PPM1H: variants seen among roughly 807,000 people sequenced by gnomAD.
PPM1H encodes the protein protein phosphatase 1H.
Under a neutral mutation model 54.9 loss-of-function variants are expected in PPM1H, and 27 were observed. The observed-to-expected ratio is 0.49, with a 90% confidence interval of 0.36 to 0.68. The LOEUF is 0.68. PPM1H is among the 30% of genes least tolerant of loss of function. The pLI is 0.00. For synonymous variants in PPM1H, 305 were observed against 270.8 expected, an observed-to-expected ratio of 1.13 and a Z score of -1.24; for missense variants, 596 against 667.8, an observed-to-expected ratio of 0.89 and a Z score of 1.19.
intron 8 of PPM1H, among the ~76,000 whole-genome samples, chr12:62,688,987 C>T (rs1187872207): frequency 6.6e-6 from 1 of 152,176 alleles, no homozygotes; most frequent in African/African-American, 2.4e-5. Context: ...CAGAGCGAGA[C>T]TTTGTCTCAA....
chr12:62,747,092 C>T (rs2076416649), intron 4 of PPM1H, among the ~76,000 whole-genome samples: 1 of 152,078 alleles, frequency 6.6e-6, no homozygotes, highest in Non-Finnish European at 1.5e-5. Context: ...GATGGGACCA[C>T]AGGCATGTGC....
In PPM1H at chr12:62,644,454, T is replaced by C. The variant is rs1221094188; in HGVS notation, c.*4035A>G. On this transcript the variant is annotated 3_prime_UTR_variant, in exon 10 of 10. Coordinates refer to ENST00000228705, the MANE Select transcript of PPM1H (RefSeq NM_020700.2). ...TCACAGTAGAAAACTACAGCACATTTACAGCCTTATTTGGTCACTGTCTAC... is the reference window on the plus strand; with the variant it reads ...TCACAGTAGAAAACTACAGCACATTCACAGCCTTATTTGGTCACTGTCTAC... 1 of 152,252 alleles carries C rather than the reference T, an allele frequency of 6.6e-6. No homozygotes were observed. Among genetic ancestry groups the C allele is most frequent in the Non-Finnish European group, 1.5e-5 (1 of 68,058 alleles). The allele number at this position is 152,252 out of a possible 1,614,324, so 9.4% of individuals were successfully genotyped here. A position where few individuals can be genotyped will look rare whatever the true frequency, so the allele number is the denominator to read the frequency against.
chr12:62,923,633 C>T (rs1211095040), intron 1 of PPM1H, among the ~76,000 whole-genome samples: 2 of 152,214 alleles, frequency 1.3e-5, no homozygotes. Flanking sequence ...AGCTCCTGAC[C>T]TCAGGTGATT....
In PPM1H at chr12:62,645,675, G is replaced by C. The variant is rs2075780707; in HGVS notation, c.*2814C>G. ...AGGCCCAGCCCAGCAAAGAGATTTA[G>C]AGCAGGAAAGCCTTTCATTAAAGTA... is the stretch of plus-strand genomic sequence containing the variant. On this transcript the variant is annotated 3_prime_UTR_variant, in exon 10 of 10. Coordinates refer to ENST00000228705, the MANE Select transcript of PPM1H (RefSeq NM_020700.2). 1 of 152,208 alleles carries C rather than the reference G, an allele frequency of 6.6e-6. No homozygotes were observed. 9.4% of individuals were successfully genotyped at this position (152,208 alleles called of 1,614,324 possible).
chr12:62,838,335 G>T (rs1037590790), intron 1 of PPM1H, among the ~76,000 whole-genome samples: 7 of 116,584 alleles, frequency 6.0e-5, no homozygotes, highest in African/African-American at 2.9e-4. Flanking sequence ...GTGTGTGTGT[G>T]TGTGGGGGGG....
chr12:62,702,581 A>AGAGAGAGAGAGAGAGAGAGAG (rs1555190172), intron 6 of PPM1H, among the ~76,000 whole-genome samples: 5 of 151,812 alleles, frequency 3.3e-5, no homozygotes, highest in African/African-American at 9.7e-5. Context: ...AGAGAGAGAG[A>AGAGAGAGAGAGAGAGAGAGAG]AATACCACTT....
At position 62,842,911 on chromosome 12, in the gene PPM1H, T is replaced by C. The variant is rs553371599; in HGVS notation, c.246-10632A>G. ...TGGATCCGCAAGTAGGTAACTGCAC[T>C]ACTTTTGGCAAGTTATTTCCCTGTG... On this transcript the variant is annotated intron_variant, in intron 1 of 9. Coordinates refer to ENST00000228705, the MANE Select transcript of PPM1H (RefSeq NM_020700.2). Among the ~76,000 whole-genome samples the C allele has an allele frequency of 2.4e-4, 37 of 152,370 alleles. No individual in the cohort carries two copies. The South Asian group carries it at 3.1e-3, about 13-fold the overall frequency.
rs1396180993 is a variant in PPM1H at position 62,926,115 on chromosome 12, C to CA, written c.245+8376dup. ...ACTGAACCTATTGGAGTCTCTCTCC[C>CA]AAAAATTCAAAATTGGAATTGAAGC... On this transcript the variant is annotated intron_variant, in intron 1 of 9. Transcript: ENST00000228705. Among the ~76,000 whole-genome samples, 10 of 152,226 alleles carry CA rather than the reference C, an allele frequency of 6.6e-5. No homozygotes were observed. In the East Asian group the frequency reaches 1.9e-3, roughly 29 times the overall value.
intron 1 of PPM1H, among the ~76,000 whole-genome samples, chr12:62,932,440 T>C (rs1370874476): frequency 6.6e-6 from 1 of 152,018 alleles, no homozygotes; most frequent in Non-Finnish European, 1.5e-5. Context: ...GTATCTTCTT[T>C]CCTACCTCTC....
rs144234298 is a variant in PPM1H, at chr12:62,693,720, G to C, written c.1137+216C>G. 7.5e-3 allele frequency among the ~76,000 whole-genome samples: 1,144 copies of C among 152,292 alleles called. 13 individuals carry two copies. Among genetic ancestry groups the C allele is most frequent in the African/African-American group, 0.026 (1,080 of 41,566 alleles). Reference sequence around the variant, plus strand: ...GACTTTATTTTCACAAAATTGGCTTGAGTCCCTTGTGCTCACCGCCCACCT... The same window carrying C: ...GACTTTATTTTCACAAAATTGGCTTCAGTCCCTTGTGCTCACCGCCCACCT... On this transcript the variant is annotated intron_variant, in intron 7 of 9. Coordinates refer to ENST00000228705, the MANE Select transcript of PPM1H (RefSeq NM_020700.2).
Position 62,935,051 on chromosome 12 carries a change from G to A in PPM1H, c.-315C>T. Reference sequence around the variant, plus strand: ...TGCAGCTGCAGCAGGTCCCTTCCCCGCCCCCTGCGCTCGGCTCCGGCGTGC... The same window carrying A: ...TGCAGCTGCAGCAGGTCCCTTCCCCACCCCCTGCGCTCGGCTCCGGCGTGC... On this transcript the variant is annotated 5_prime_UTR_variant, in exon 1 of 10. Transcript: ENST00000228705. 2 of 179,328 alleles carry A rather than the reference G, an allele frequency of 1.1e-5. No individual in the cohort carries two copies. The highest frequency in any genetic ancestry group is 2.3e-5 in the Non-Finnish European group (2 of 86,136). The allele number at this position is 179,328 out of a possible 1,614,324, so 11.1% of individuals were successfully genotyped here.
intron 6 of PPM1H, among the ~76,000 whole-genome samples, chr12:62,715,580 GA>G (rs34083291): frequency 1.3e-5 from 2 of 151,454 alleles, no homozygotes; most frequent in Admixed American, 6.6e-5. Context: ...ATGAGGGTGG[GA>G]AAAAAAAGGA....
intron 1 of PPM1H, among the ~76,000 whole-genome samples, chr12:62,899,193 T>C (rs1871084606): frequency 1.3e-5 from 2 of 152,292 alleles, no homozygotes; most frequent in South Asian, 4.1e-4. Flanking sequence ...GGTGCACTTT[T>C]GTATGTATTT....
chr12:62,714,168 A>G (rs2076223292), intron 6 of PPM1H, among the ~76,000 whole-genome samples: 1 of 152,126 alleles, frequency 6.6e-6, no homozygotes, highest in South Asian at 2.1e-4. Context: ...GCCACTAGCC[A>G]CATGTGGCTA....
At chr12:62,915,472 A>C (rs1274000556) in intron 1 of PPM1H, among the ~76,000 whole-genome samples, 2 of 152,328 alleles carry the variant, frequency 1.3e-5, no homozygotes, top group East Asian at 1.9e-4. Flanking sequence ...AAACCAGCAA[A>C]TGAGGGATTA....
rs2076097925 is a variant in PPM1H at position 62,693,884 on chromosome 12, A to G, written c.1137+52T>C. On this transcript the variant is annotated intron_variant, in intron 7 of 9. Transcript: ENST00000228705. ...GGACTGCCACGGGCTATGTGGAGCG[A>G]AGGCGGGACAGAGCCCTGTCCTCTC... 3 of 1,534,886 alleles carry G rather than the reference A, an allele frequency of 2.0e-6. No homozygotes were observed. The East Asian group carries it at 6.8e-5, about 35-fold the overall frequency.
chr12:62,912,796 C>T (rs1442842064), intron 1 of PPM1H, among the ~76,000 whole-genome samples: 3 of 152,160 alleles, frequency 2.0e-5, no homozygotes, highest in African/African-American at 4.8e-5. Flanking sequence ...AACAGACTGA[C>T]GTAGCTCTAG....
intron 8 of PPM1H, among the ~76,000 whole-genome samples, chr12:62,673,732 T>TTTTTTTTTTTTTTTTTTTTTTTTA (rs2075970006): frequency 7.7e-6 from 1 of 130,638 alleles, no homozygotes; most frequent in Non-Finnish European, 1.7e-5. Context: ...TTTTTTTTTT[T>TTTTTTTTTTTTTTTTTTTTTTTTA]TTTTTTTTTT....
At chr12:62,902,095 G>A (rs531273320) in intron 1 of PPM1H, among the ~76,000 whole-genome samples, 14 of 152,260 alleles carry the variant, frequency 9.2e-5, no homozygotes, top group African/African-American at 3.1e-4. Flanking sequence ...AGGCGCGGTG[G>A]CCCATGCCTG....
Sources: allele counts gnomAD v4.1 joint callset (sites outside exome capture counted in the v4.1 genomes callset), GRCh38; gene constraint gnomAD v4.1.1; transcripts MANE v1.5; gene names NCBI Gene and HGNC (gene_info 2026-07-23, HGNC 2026-07-21).